KCTD20: variants seen among roughly 807,000 people sequenced by gnomAD.
KCTD20 encodes the protein BTB/POZ domain-containing protein KCTD20.
In KCTD20, 30 loss-of-function variants were observed where a neutral mutation model predicts 39.6. The ratio of observed to expected loss-of-function variants is 0.76; its 90% CI spans 0.57 to 1.03. The LOEUF (loss-of-function observed/expected upper bound fraction) is 1.03, where lower values mean the gene tolerates loss of function less well. Among genes scored for constraint, KCTD20 ranks in the 50% least tolerant of loss-of-function variants. The probability of loss-of-function intolerance (pLI) is 0.00; values close to 1 mark genes in which losing one functional copy is unlikely to be tolerated. For missense variants in KCTD20, 422 were observed against 522.0 expected, an observed-to-expected ratio of 0.81 and a Z score of 1.87; for synonymous variants, 162 against 180.6, an observed-to-expected ratio of 0.90 and a Z score of 0.83.
intron 2 of KCTD20, among the ~76,000 whole-genome samples, chr6:36,474,214 T>TCCCTCCC (rs1349016313): frequency 8.0e-6 from 1 of 125,448 alleles, no homozygotes; most frequent in Non-Finnish European, 1.7e-5. Context: ...CCCGATGCTA[T>TCCCTCCC]CCCTCCCCCC....
At chr6:36,467,170 T>C (rs973284756) in intron 1 of KCTD20, among the ~76,000 whole-genome samples, 2 of 150,620 alleles carry the variant, frequency 1.3e-5, no homozygotes, top group Admixed American at 1.3e-4. Flanking sequence ...TAGCAGGGCG[T>C]GGTGGTGGGT....
In KCTD20 at chr6:36,445,461, C is replaced by A. The variant is rs555901600; in HGVS notation, c.-47+2350C>A. ...CTTATTGAATCTTTTTCTGTTGATTCATAAAATGTCATGTCTTTCCTTCTG... is the reference window on the plus strand; with the variant it reads ...CTTATTGAATCTTTTTCTGTTGATTAATAAAATGTCATGTCTTTCCTTCTG... On this transcript the variant is annotated intron_variant, in intron 1 of 7. Coordinates refer to ENST00000373731, the MANE Select transcript of KCTD20 (RefSeq NM_173562.5). Among the ~76,000 whole-genome samples the A allele has an allele frequency of 5.3e-5, 8 of 152,112 alleles. No homozygotes were observed. In the East Asian group the frequency reaches 1.3e-3, roughly 26 times the overall value.
In KCTD20 at chr6:36,488,464, G is replaced by C. The variant is rs1225155900; in HGVS notation, c.*1289G>C. On this transcript the variant is annotated 3_prime_UTR_variant, in exon 8 of 8. Transcript: ENST00000373731. ...TATTAATAGTATAGCTAAATTTAGA[G>C]TGCAGAGCCAGATATAAGTATTTTG... is the stretch of plus-strand genomic sequence containing the variant. 6.6e-6 allele frequency: 1 copy of C among 152,150 alleles called. No individual in the cohort carries two copies. The highest frequency in any genetic ancestry group is 1.9e-4 in the East Asian group (1 of 5,198). The allele number at this position is 152,150 out of a possible 1,614,324, so 9.4% of individuals were successfully genotyped here.
chr6:36,448,521 T>C (rs1233261976), intron 1 of KCTD20, among the ~76,000 whole-genome samples: 1 of 152,196 alleles, frequency 6.6e-6, no homozygotes, highest in Non-Finnish European at 1.5e-5. Context: ...TTTGCAGTTG[T>C]ATCTGTGTAT....
chr6:36,447,999 A>ATGTGTG (rs1775103429), intron 1 of KCTD20, among the ~76,000 whole-genome samples: 2 of 77,952 alleles, frequency 2.6e-5, no homozygotes, highest in African/African-American at 9.4e-5. Flanking sequence ...TCCAAAATAT[A>ATGTGTG]TGTGTATGTG....
At position 36,469,012 on chromosome 6, in the gene KCTD20, A is replaced by G. The variant is rs949793781; in HGVS notation, c.-46-1040A>G. ...ATTCAAAATTTCATTTACATTACAG[A>G]TATTATGTTTATTTTTTATAGATGT... is the stretch of plus-strand genomic sequence containing the variant. On this transcript the variant is annotated intron_variant, in intron 1 of 7. Transcript: ENST00000373731. The surrounding 1 kb of genome is among the most constrained non-coding windows in gnomAD (Gnocchi z 4.6). Among the ~76,000 whole-genome samples, 3 of 152,156 alleles carry G rather than the reference A, an allele frequency of 2.0e-5. No homozygotes were observed. The highest frequency in any genetic ancestry group is 7.2e-5 in the African/African-American group (3 of 41,432).
At chr6:36,472,147 C>G (rs1301851152) in intron 2 of KCTD20, among the ~76,000 whole-genome samples, 1 of 152,150 alleles carries the variant, frequency 6.6e-6, no homozygotes, top group Non-Finnish European at 1.5e-5. Context: ...GGCGCCCGGC[C>G]CAGGTATCTA....
chr6:36,464,589 TC>T (rs1304146972), intron 1 of KCTD20, among the ~76,000 whole-genome samples: 4 of 152,208 alleles, frequency 2.6e-5, no homozygotes, highest in Non-Finnish European at 4.4e-5. Flanking sequence ...TTTTAGATTT[TC>T]CCCATCCCCC....
chr6:36,483,118 C>CA (rs767686820), intron 6 of KCTD20, among the ~76,000 whole-genome samples: 5,225 of 108,120 alleles, frequency 0.048, 238 homozygotes, highest in Middle Eastern at 0.097. Flanking sequence ...GACTCCGTTT[C>CA]AAAAAAAAAA....
chr6:36,464,005 A>G (rs931366692), intron 1 of KCTD20, among the ~76,000 whole-genome samples: 2 of 152,178 alleles, frequency 1.3e-5, no homozygotes, highest in African/African-American at 2.4e-5. Flanking sequence ...TAATGGGAAA[A>G]TGCTATGATT....
intron 3 of KCTD20, among the ~76,000 whole-genome samples, chr6:36,478,094 CAAA>C (rs1301151019): frequency 3.4e-5 from 3 of 87,662 alleles, no homozygotes; most frequent in African/African-American, 1.4e-4. Context: ...AACTCCATCT[CAAA>C]AAAAAAAAGA....
At chr6:36,459,168 C>T (rs778038675) in intron 1 of KCTD20, among the ~76,000 whole-genome samples, 4 of 151,974 alleles carry the variant, frequency 2.6e-5, no homozygotes, top group Admixed American at 6.6e-5. Context: ...AAAAATTAGC[C>T]AGGGCTGGTG....
intron 7 of KCTD20, among the ~76,000 whole-genome samples, chr6:36,486,285 GAAC>G (rs1186837582): frequency 6.6e-6 from 1 of 152,106 alleles, no homozygotes; most frequent in African/African-American, 2.4e-5. Flanking sequence ...GCATTTCCCA[GAAC>G]AACCCATCAA....
At chr6:36,464,101 G>A (rs1221490338) in intron 1 of KCTD20, among the ~76,000 whole-genome samples, 1 of 152,126 alleles carries the variant, frequency 6.6e-6, no homozygotes, top group Non-Finnish European at 1.5e-5. Context: ...CATGCTGACT[G>A]TACATCCTTA....
intron 6 of KCTD20, among the ~76,000 whole-genome samples, chr6:36,484,191 C>T (rs762116245): frequency 2.0e-5 from 3 of 152,168 alleles, no homozygotes; most frequent in Non-Finnish European, 4.4e-5. Context: ...CTGCCTCGGC[C>T]TCCCAAAGTG....
At chr6:36,446,734 A>G (rs1216712940) in intron 1 of KCTD20, among the ~76,000 whole-genome samples, 1 of 152,242 alleles carries the variant, frequency 6.6e-6, no homozygotes, top group African/African-American at 2.4e-5. Flanking sequence ...TAGTACATGT[A>G]TTTCTGGAAT....
chr6:36,456,880 C>G (rs146001205), intron 1 of KCTD20, among the ~76,000 whole-genome samples: 1 of 152,120 alleles, frequency 6.6e-6, no homozygotes, highest in African/African-American at 2.4e-5. Flanking sequence ...GTTGTCCAGG[C>G]TAGTCTCATG....
At chr6:36,445,253 C>G (rs1446528741) in intron 1 of KCTD20, among the ~76,000 whole-genome samples, 2 of 130,776 alleles carry the variant, frequency 1.5e-5, no homozygotes, top group African/African-American at 6.0e-5. Flanking sequence ...CAGAGTGAGA[C>G]TCCGTCTCAA....
At position 36,488,067 on chromosome 6, in the gene KCTD20, T is replaced by C. The variant is rs1398724317; in HGVS notation, c.*892T>C. The C allele has an allele frequency of 6.6e-6, 1 of 152,156 alleles. No homozygotes were observed. The allele number at this position is 152,156 out of a possible 1,614,324, so 9.4% of individuals were successfully genotyped here. On this transcript the variant is annotated 3_prime_UTR_variant, in exon 8 of 8. Coordinates refer to ENST00000373731, the MANE Select transcript of KCTD20 (RefSeq NM_173562.5). ...AAGGCTTTCAAGATGAGGACAGAAA[T>C]TGCTTACAATTGCTCAGTTTCTCAA... is the stretch of plus-strand genomic sequence containing the variant.
Sources: gnomAD v4.1 joint callset for allele counts (sites outside exome capture counted in the v4.1 genomes callset) on GRCh38, gnomAD v4.1.1 for gene constraint, Gnocchi (gnomAD v3.1) non-coding constraint, MANE v1.5 for transcripts, NCBI Gene and HGNC (gene_info 2026-07-23, HGNC 2026-07-21) for gene names.